ZBBX: variants seen among roughly 807,000 people sequenced by gnomAD.
ZBBX encodes zinc finger B-box domain-containing protein 1.
Under a neutral mutation model 108.5 loss-of-function variants are expected in ZBBX, and 101 were observed. That is an observed-to-expected ratio of 0.93 (90% CI 0.79 to 1.10). The LOEUF (loss-of-function observed/expected upper bound fraction) is 1.10, where lower values mean the gene tolerates loss of function less well. Ranked by LOEUF, ZBBX falls within the 50% of genes least tolerant of loss-of-function variation. The pLI is 0.00. For synonymous variants in ZBBX, 356 were observed against 323.4 expected (o/e 1.10, Z -1.08); for missense variants, 1,009 against 941.4 (o/e 1.07, Z -0.94).
chr3:167,368,486 T>C lies in ZBBX; in HGVS notation c.157A>G (p.Arg53Gly), dbSNP rs2108580350. 6.2e-7 allele frequency: 1 copy of C among 1,612,094 alleles called. No homozygotes were observed. The highest frequency in any genetic ancestry group is 8.5e-7 in the Non-Finnish European group (1 of 1,178,634). ...TCTCTATCTTCCTTTTCTTTGTTTC[T>C]TGTGGATCGGAATTCTTGCAGTTTC... ...EKKLQEFRST[R>G]NKEKEDRESS... Residue 53 changes from arginine to glycine, a missense_variant, in exon 5 of 22, where the codon AGA becomes GGA. Transcript: ENST00000675490.
chr3:167,250,467 C>G (rs796701428), intron 20 of ZBBX, among the ~76,000 whole-genome samples: 1 of 152,064 alleles, frequency 6.6e-6, no homozygotes, highest in African/African-American at 2.4e-5. Context: ...TCTGTAATCT[C>G]TGGCACTAAA....
chr3:167,328,386 G>T lies in ZBBX; in HGVS notation c.688-270C>A, dbSNP rs368068453. ...AGAACTAATGACTTATCATTATGCTGTTCACCAGTGTTCTCTCTGTAAAGG... is the reference window on the plus strand; with the variant it reads ...AGAACTAATGACTTATCATTATGCTTTTCACCAGTGTTCTCTCTGTAAAGG... On this transcript the variant is annotated intron_variant, in intron 10 of 21. Transcript: ENST00000675490. 2.6e-5 allele frequency among the ~76,000 whole-genome samples: 4 copies of T among 152,116 alleles called. No individual in the cohort carries two copies. In the East Asian group the frequency reaches 7.7e-4, roughly 29 times the overall value.
chr3:167,194,229 A>AATATATATATATATATATAT, the ZBBX span, among the ~76,000 whole-genome samples: 1,584 of 139,456 alleles, frequency 0.011, 22 homozygotes, highest in Non-Finnish European at 0.016. Flanking sequence ...ATATGTACTA[A>AATATATATATATATATATAT]ATATATATAT....
intron 8 of ZBBX, among the ~76,000 whole-genome samples, chr3:167,358,375 G>C (rs1577082075): frequency 6.6e-6 from 1 of 150,778 alleles, no homozygotes; most frequent in African/African-American, 2.4e-5. Flanking sequence ...GGGATGGGGG[G>C]AATGGGGATG....
intron 20 of ZBBX, among the ~76,000 whole-genome samples, chr3:167,268,042 A>G (rs1725871192): frequency 6.6e-6 from 1 of 152,116 alleles, no homozygotes; most frequent in Admixed American, 6.5e-5. Context: ...AGGAACTCCA[A>G]CATGAAGTAG....
intron 20 of ZBBX, among the ~76,000 whole-genome samples, chr3:167,248,244 G>T (rs1230718125): frequency 3.3e-5 from 5 of 152,096 alleles, no homozygotes; most frequent in African/African-American, 1.2e-4. Flanking sequence ...ACAAAGCTGC[G>T]ACGGTAACCA....
intron 5 of ZBBX, 117 bp from the exon 6 acceptor site, chr3:167,366,093 A>G: frequency 1.7e-6 from 1 of 575,102 alleles, no homozygotes; most frequent in Non-Finnish European, 3.0e-6. Flanking sequence ...ACATGCAGTA[A>G]ACAAGCAAAA....
intron 4 of ZBBX, among the ~76,000 whole-genome samples, chr3:167,369,128 A>G (rs899524729): frequency 1.1e-4 from 16 of 152,192 alleles, no homozygotes; most frequent in Non-Finnish European, 2.2e-4. Flanking sequence ...AGCTTCCTGT[A>G]CAAGAGATTT....
intron 8 of ZBBX, among the ~76,000 whole-genome samples, chr3:167,351,903 G>A (rs988682329): frequency 3.3e-5 from 5 of 152,070 alleles, no homozygotes; most frequent in African/African-American, 4.8e-5. Flanking sequence ...ACTGTCTGCT[G>A]GCCTTTCCAT....
In ZBBX at chr3:167,278,710, A is replaced by C. The variant is rs894962817; in HGVS notation, c.2254+3528T>G. On this transcript the variant is annotated intron_variant, in intron 20 of 21. Transcript: ENST00000675490. ...GTACCATTCCTTCTGAAACTACTCCAATCAATAGAAAAAGAGGGAATCCTC... is the reference window on the plus strand; with the variant it reads ...GTACCATTCCTTCTGAAACTACTCCCATCAATAGAAAAAGAGGGAATCCTC... 5.5e-4 allele frequency among the ~76,000 whole-genome samples: 84 copies of C among 151,680 alleles called. 2 individuals are homozygous for C. Among genetic ancestry groups the C allele is most frequent in the Admixed American group, 4.9e-3 (74 of 15,202 alleles).
At chr3:167,359,335 ATCT>A (rs901400854) in intron 8 of ZBBX, among the ~76,000 whole-genome samples, 8 of 152,142 alleles carry the variant, frequency 5.3e-5, no homozygotes, top group African/African-American at 1.9e-4. Context: ...GGTAAAGGTA[ATCT>A]TCTAGGTCTT....
At chr3:167,273,061 T>C (rs1016825413) in intron 20 of ZBBX, among the ~76,000 whole-genome samples, 12 of 152,232 alleles carry the variant, frequency 7.9e-5, no homozygotes, top group Non-Finnish European at 1.5e-4. Context: ...ATAGGGTCTT[T>C]TGAAATGCGT....
At chr3:167,244,553 A>G (rs947660892) in intron 20 of ZBBX, among the ~76,000 whole-genome samples, 1 of 152,258 alleles carries the variant, frequency 6.6e-6, no homozygotes, top group Admixed American at 6.5e-5. Flanking sequence ...GAATACCTGT[A>G]AAGTTAACAG....
At chr3:167,402,304 T>C (rs556910538) in intron 1 of ZBBX, among the ~76,000 whole-genome samples, 1 of 152,204 alleles carries the variant, frequency 6.6e-6, no homozygotes, top group East Asian at 1.9e-4. Flanking sequence ...CCAAATAAAA[T>C]CCTGATAAGC....
chr3:167,361,516 C>G (rs1401074154), intron 6 of ZBBX, among the ~76,000 whole-genome samples: 1 of 152,070 alleles, frequency 6.6e-6, no homozygotes, highest in East Asian at 1.9e-4. Flanking sequence ...ACATGAGAAT[C>G]TGAGAACAAT....
the ZBBX span, among the ~76,000 whole-genome samples, chr3:167,232,115 G>A: frequency 6.6e-6 from 1 of 151,660 alleles, no homozygotes; most frequent in African/African-American, 2.4e-5. Flanking sequence ...ATGAAAAGAT[G>A]GGACATACTT....
chr3:167,334,300 T>C (rs552121852), intron 9 of ZBBX, among the ~76,000 whole-genome samples: 1 of 152,224 alleles, frequency 6.6e-6, no homozygotes, highest in South Asian at 2.1e-4. Context: ...AGGCCGGGCG[T>C]GGTGGCTCGC....
chr3:167,323,262 T>C (rs905176735), intron 11 of ZBBX, among the ~76,000 whole-genome samples: 2 of 150,614 alleles, frequency 1.3e-5, no homozygotes, highest in African/African-American at 2.4e-5. Context: ...AAGAACTCTT[T>C]TGTTTTTGCT....
intron 2 of ZBBX, among the ~76,000 whole-genome samples, chr3:167,375,279 C>A (rs1298667248): frequency 6.6e-6 from 1 of 152,136 alleles, no homozygotes; most frequent in Non-Finnish European, 1.5e-5. Context: ...TGGGACGCCT[C>A]TTTTGAAACT....
Sources: gnomAD v4.1 joint callset for allele counts (sites outside exome capture counted in the v4.1 genomes callset) on GRCh38, gnomAD v4.1.1 for gene constraint, MANE v1.5 for transcripts, NCBI Gene and HGNC (gene_info 2026-07-23, HGNC 2026-07-21) for gene names.